CDYL2: variants seen among roughly 807,000 people sequenced by gnomAD.
CDYL2 encodes chromodomain Y-like protein 2.
CDYL2 carries 23 observed loss-of-function variants against 49.4 expected under a neutral mutation model. The observed-to-expected ratio is 0.47, with a 90% CI of 0.34 to 0.66. The LOEUF is 0.66. Among genes scored for constraint, CDYL2 ranks in the 30% least tolerant of loss-of-function variants. The pLI, the probability that CDYL2 is intolerant of heterozygous loss-of-function variation, is 0.01. For missense variants in CDYL2, 678 were observed against 656.4 expected, an observed-to-expected ratio of 1.03 and a Z score of -0.36; for synonymous variants, 360 against 268.8, an observed-to-expected ratio of 1.34 and a Z score of -3.32.
chr16:80,632,356 G>A (rs937200466), intron 3 of CDYL2, among the ~76,000 whole-genome samples: 4 of 152,170 alleles, frequency 2.6e-5, no homozygotes, highest in Non-Finnish European at 5.9e-5. Context: ...AAACTGTCCG[G>A]AATAGGCAAA....
chr16:80,635,777 C>G (rs1907793462), intron 2 of CDYL2, among the ~76,000 whole-genome samples: 1 of 152,076 alleles, frequency 6.6e-6, no homozygotes, highest in Non-Finnish European at 1.5e-5. Context: ...GCAAAAAGAA[C>G]AAAGCTGGAG....
chr16:80,734,729 T>C (rs1220741519), intron 1 of CDYL2, among the ~76,000 whole-genome samples: 1 of 152,184 alleles, frequency 6.6e-6, no homozygotes, highest in Non-Finnish European at 1.5e-5. Context: ...AGCTTAGGAA[T>C]GCATTCTAGG....
chr16:80,663,067 G>A (rs964536607), intron 2 of CDYL2, among the ~76,000 whole-genome samples: 4 of 113,168 alleles, frequency 3.5e-5, no homozygotes, highest in Admixed American at 2.6e-4. Flanking sequence ...AAAAAAGCAA[G>A]AGGCTGGAAG....
intron 2 of CDYL2, among the ~76,000 whole-genome samples, chr16:80,657,067 A>G (rs1021461795): frequency 2.0e-5 from 3 of 152,170 alleles, no homozygotes; most frequent in Non-Finnish European, 2.9e-5. Flanking sequence ...CAAAACAGAA[A>G]CTTTGCTCTT....
intron 2 of CDYL2, among the ~76,000 whole-genome samples, chr16:80,642,683 C>G (rs1597143890): frequency 1.3e-5 from 2 of 152,230 alleles, no homozygotes; most frequent in African/African-American, 4.8e-5. Flanking sequence ...GCACTTCTTA[C>G]ATAGCAGTGG....
chr16:80,762,211 C>T (rs1906555772), intron 1 of CDYL2, among the ~76,000 whole-genome samples: 1 of 151,920 alleles, frequency 6.6e-6, no homozygotes, highest in South Asian at 2.1e-4. Flanking sequence ...AACAAAAAAA[C>T]AAAGGCTACA....
chr16:80,707,935 G>T (rs1444627261), intron 1 of CDYL2, among the ~76,000 whole-genome samples: 1 of 152,190 alleles, frequency 6.6e-6, no homozygotes, highest in African/African-American at 2.4e-5. Flanking sequence ...CCAGTAGGGT[G>T]TTGGGTTACT....
chr16:80,744,624 G>T (rs985247080), intron 1 of CDYL2, among the ~76,000 whole-genome samples: 8 of 152,332 alleles, frequency 5.3e-5, no homozygotes, highest in African/African-American at 1.9e-4. Flanking sequence ...TGAGGCTCTA[G>T]GAGGTTAAGC....
At chr16:80,745,037 G>A (rs17827495) in intron 1 of CDYL2, among the ~76,000 whole-genome samples, 7 of 152,256 alleles carry the variant, frequency 4.6e-5, no homozygotes, top group East Asian at 1.9e-4. Context: ...ACAGGATGAC[G>A]AAACCATGGT....
intron 2 of CDYL2, among the ~76,000 whole-genome samples, chr16:80,655,668 C>T (rs759721573): frequency 2.2e-4 from 33 of 152,274 alleles, no homozygotes; most frequent in Admixed American, 4.6e-4. Flanking sequence ...ACACTGGGCT[C>T]GCCTCTCCGA....
chr16:80,727,215 A>G (rs1597102113), intron 1 of CDYL2, among the ~76,000 whole-genome samples: 2 of 152,374 alleles, frequency 1.3e-5, no homozygotes, highest in South Asian at 4.1e-4. Context: ...AGTGCCAGAC[A>G]GTGGGCACAG....
rs539323587 is a variant in CDYL2, at chr16:80,645,927, T to C, written c.617-12691A>G. Among the ~76,000 whole-genome samples, 61 of 133,344 alleles carry C rather than the reference T, an allele frequency of 4.6e-4. 2 individuals carry two copies. The East Asian group carries it at 0.011, about 24-fold the overall frequency. The allele number at this position is 133,344 out of a possible 152,430, so 87.5% of individuals were successfully genotyped here. A position where few individuals can be genotyped will look rare whatever the true frequency, so the allele number is the denominator to read the frequency against. On this transcript the variant is annotated intron_variant, in intron 2 of 6. Coordinates refer to ENST00000570137, the MANE Select transcript of CDYL2 (RefSeq NM_152342.4). ...GCATGTTCTCACTCATAGGTGGGAA[T>C]TGAACAATGAGAACACTTGGACACA...
intron 1 of CDYL2, among the ~76,000 whole-genome samples, chr16:80,699,231 T>C (rs963813310): frequency 1.7e-4 from 26 of 152,180 alleles, no homozygotes; most frequent in African/African-American, 6.0e-4. Context: ...GCACTATTCA[T>C]AATAGTCAAG....
chr16:80,658,241 T>C (rs535588245), intron 2 of CDYL2, among the ~76,000 whole-genome samples: 1 of 152,158 alleles, frequency 6.6e-6, no homozygotes, highest in Admixed American at 6.5e-5. Flanking sequence ...TTTGTTTTAA[T>C]TTTTGGAAGT....
At chr16:80,635,305 T>C (rs1317607899) in intron 2 of CDYL2, among the ~76,000 whole-genome samples, 1 of 152,208 alleles carries the variant, frequency 6.6e-6, no homozygotes, top group African/African-American at 2.4e-5. Flanking sequence ...TGTGACTGTA[T>C]ATTTAGAAAA....
chr16:80,668,381 T>A (rs1322640754), intron 2 of CDYL2, among the ~76,000 whole-genome samples: 2 of 152,084 alleles, frequency 1.3e-5, no homozygotes, highest in African/African-American at 2.4e-5. Flanking sequence ...TATACCTACA[T>A]ACATGGAGAG....
At chr16:80,620,601 C>T (rs1204011195) in intron 4 of CDYL2, among the ~76,000 whole-genome samples, 162 bp downstream of exon 4, 1 of 152,200 alleles carries the variant, frequency 6.6e-6, no homozygotes, top group Non-Finnish European at 1.5e-5. Context: ...AAATAACCAA[C>T]ATTTTAAAAA....
intron 2 of CDYL2, among the ~76,000 whole-genome samples, chr16:80,683,115 C>A (rs1414305524): frequency 5.3e-5 from 8 of 152,210 alleles, no homozygotes; most frequent in Admixed American, 5.2e-4. Flanking sequence ...TTGGCCTCAT[C>A]ACCCCAACCT....
chr16:80,741,816 TA>T (rs1905745965), intron 1 of CDYL2, among the ~76,000 whole-genome samples: 1 of 152,216 alleles, frequency 6.6e-6, no homozygotes, highest in African/African-American at 2.4e-5. Context: ...GGCATTCTCA[TA>T]CGGGGGAGCT....
Sources: allele counts gnomAD v4.1 joint callset (sites outside exome capture counted in the v4.1 genomes callset), GRCh38; gene constraint gnomAD v4.1.1; transcripts MANE v1.5; gene names NCBI Gene and HGNC (gene_info 2026-07-23, HGNC 2026-07-21).